MICAL2: variants seen among roughly 807,000 people sequenced by gnomAD.
MICAL2 encodes the protein microtubule associated monooxygenase, calponin and LIM domain containing 2.
Under a neutral mutation model 127.3 loss-of-function variants are expected in MICAL2, and 77 were observed. The ratio of observed to expected loss-of-function variants is 0.60; its 90% CI spans 0.50 to 0.73. MICAL2 has a LOEUF of 0.73. Among genes scored for constraint, MICAL2 ranks in the 30% least tolerant of loss-of-function variants. MICAL2 has a pLI of 0.00. For missense variants in MICAL2, 1,351 were observed against 1,434.4 expected, an observed-to-expected ratio of 0.94 and a Z score of 0.94; for synonymous variants, 570 against 551.1, an observed-to-expected ratio of 1.03 and a Z score of -0.48.
intron 16 of MICAL2, 102 bp downstream of exon 16, chr11:12,236,347 C>G (rs534519009): frequency 3.9e-6 from 4 of 1,028,950 alleles, no homozygotes; most frequent in Non-Finnish European, 6.1e-6. Context: ...TTCCTTCCCT[C>G]TCTCATGAAC....
intron 3 of MICAL2, among the ~76,000 whole-genome samples, chr11:12,170,470 T>G (rs1477223985): frequency 6.6e-6 from 1 of 152,030 alleles, no homozygotes; most frequent in East Asian, 1.9e-4. Context: ...AATAAAAAAG[T>G]TTGCTGTATC....
chr11:12,177,494 A>G (rs990420063), intron 3 of MICAL2, among the ~76,000 whole-genome samples: 3 of 152,056 alleles, frequency 2.0e-5, no homozygotes, highest in Non-Finnish European at 4.4e-5. Context: ...AAAAGTTTTA[A>G]ATTTTGATGA....
intron 27 of MICAL2, 34 bp downstream of exon 27, chr11:12,262,571 G>C: frequency 6.4e-7 from 1 of 1,573,540 alleles, no homozygotes; most frequent in Non-Finnish European, 8.7e-7. Flanking sequence ...TCAAAGAGTG[G>C]TACTAACCCC....
chr11:12,292,388 G>A (rs1863917051), downstream of MICAL2: 1 of 1,427,272 alleles, frequency 7.0e-7, no homozygotes, highest in Non-Finnish European at 9.7e-7. Context: ...GATTCCACGT[G>A]CTCATAGGTC....
At chr11:12,209,372 G>C in intron 5 of MICAL2, 125 bp from the exon 6 acceptor site, 1 of 770,330 alleles carries the variant, frequency 1.3e-6, no homozygotes, top group Non-Finnish European at 2.3e-6. Flanking sequence ...CTTTCCCCTG[G>C]AGGCTCTCTC....
chr11:12,161,331 C>G (rs992314806), intron 2 of MICAL2: 1 of 152,182 alleles, frequency 6.6e-6, no homozygotes, highest in Non-Finnish European at 1.5e-5. Context: ...TTCCATGAGC[C>G]GGAGCACTTG....
At chr11:12,306,249 GTAT>G (rs1335831187) in intron 29 of MICAL2, among the ~76,000 whole-genome samples, 2 of 151,736 alleles carry the variant, frequency 1.3e-5, no homozygotes, top group Non-Finnish European at 2.9e-5. Flanking sequence ...ATTTCTAACA[GTAT>G]TCATTAGGTA....
chr11:12,345,924 G>A (rs1589921481), intron 32 of MICAL2, among the ~76,000 whole-genome samples: 1 of 152,298 alleles, frequency 6.6e-6, no homozygotes, highest in South Asian at 2.1e-4. Context: ...AATGACAGAC[G>A]ATCTGGAGGC....
chr11:12,144,443 C>T (rs1852678403), intron 2 of MICAL2, among the ~76,000 whole-genome samples: 2 of 152,130 alleles, frequency 1.3e-5, no homozygotes, highest in South Asian at 4.1e-4. Context: ...GACATTTTGA[C>T]CCCCTGAATG....
chr11:12,231,821 ATCCC>A (rs1858314992), intron 15 of MICAL2, among the ~76,000 whole-genome samples: 1 of 152,180 alleles, frequency 6.6e-6, no homozygotes, highest in Admixed American at 6.5e-5. Flanking sequence ...GCCCTGGAGT[ATCCC>A]CTCCAGGTGC....
chr11:12,294,795 CAG>C, downstream of MICAL2: 1 of 1,599,670 alleles, frequency 6.3e-7, no homozygotes, highest in Non-Finnish European at 8.5e-7. Context: ...CTGCGCCAGG[CAG>C]CTCCTCCTCC....
At position 12,131,155 on chromosome 11, in the gene MICAL2, C is replaced by T. The variant is rs1343050051; in HGVS notation, c.-148-7235C>T. Among the ~76,000 whole-genome samples, 11 of 87,278 alleles carry T rather than the reference C, an allele frequency of 1.3e-4. 4 individuals carry two copies. Among genetic ancestry groups the T allele is most frequent in the East Asian group, 6.9e-4 (2 of 2,908 alleles). The allele number at this position is 87,278 out of a possible 152,430, so 57.3% of individuals were successfully genotyped here. A position where few individuals can be genotyped will look rare whatever the true frequency, so the allele number is the denominator to read the frequency against. ...AAAAATACAAAAAATTAGCCGGGCGCGGTGGCGGGCGCCTGTAGTCCCAGC... is the reference window on the plus strand; with the variant it reads ...AAAAATACAAAAAATTAGCCGGGCGTGGTGGCGGGCGCCTGTAGTCCCAGC... On this transcript the variant is annotated intron_variant, in intron 1 of 27. Transcript: ENST00000683283.
At chr11:12,155,973 G>A (rs1854146233) in intron 2 of MICAL2, among the ~76,000 whole-genome samples, 1 of 152,254 alleles carries the variant, frequency 6.6e-6, no homozygotes, top group South Asian at 2.1e-4. Flanking sequence ...GAGGAAGGGG[G>A]AATGTATGAG....
At position 12,260,473 on chromosome 11, in the gene MICAL2, T is replaced by A. The variant is rs556326008; in HGVS notation, c.3334+576T>A. ...CAGAGAAAGCATTTTTTTCTATGAG[T>A]GTCAATTTTTCTAAACATGGGTTTG... On this transcript the variant is annotated intron_variant, in intron 26 of 27. Transcript: ENST00000683283. The A allele has an allele frequency of 8.6e-4, 963 of 1,121,952 alleles. 8 individuals are homozygous for A. In the African/African-American group the frequency reaches 0.015, roughly 17 times the overall value. The allele number at this position is 1,121,952 out of a possible 1,614,324, so 69.5% of individuals were successfully genotyped here.
At position 12,126,705 on chromosome 11, in the gene MICAL2, T is replaced by TAAAA. The variant is rs5789711; in HGVS notation, c.-148-11672_-148-11669dup. 8.6e-3 allele frequency among the ~76,000 whole-genome samples: 1,242 copies of TAAAA among 144,286 alleles called. 13 individuals carry two copies. The highest frequency in any genetic ancestry group is 0.017 in the African/African-American group (676 of 39,318). The allele number at this position is 144,286 out of a possible 152,430, so 94.7% of individuals were successfully genotyped here. A position where few individuals can be genotyped will look rare whatever the true frequency, so the allele number is the denominator to read the frequency against. On this transcript the variant is annotated intron_variant, in intron 1 of 27. Coordinates refer to ENST00000683283, the MANE Select transcript of MICAL2 (RefSeq NM_001282663.2). ...CTTGGGAAAGCAAGGCTTATGTGTG[T>TAAAA]AAAAAAAAAAAAAAAATTAAGTAAC...
intron 26 of MICAL2, 160 bp from the exon 27 acceptor site, chr11:12,262,320 G>A: frequency 6.7e-7 from 1 of 1,482,398 alleles, no homozygotes; most frequent in Non-Finnish European, 8.9e-7. Context: ...TCTCTCCTAA[G>A]CAAACAGCGA....
chr11:12,261,935 T>C lies in MICAL2; in HGVS notation c.3335-545T>C, dbSNP rs549759614. On this transcript the variant is annotated intron_variant, in intron 26 of 27. Transcript: ENST00000683283. ...TTTGAGGTCATGATGTGAACGGCCA[T>C]GTTATTGTGATTATCTTCAGCTCAG... 27 of 987,688 alleles carry C rather than the reference T, an allele frequency of 2.7e-5. No individual in the cohort carries two copies. In the South Asian group the frequency reaches 9.8e-4, roughly 36 times the overall value. 61.2% of individuals were successfully genotyped at this position (987,688 alleles called of 1,614,324 possible).
At chr11:12,135,147 C>T (rs1851738645) in intron 1 of MICAL2, among the ~76,000 whole-genome samples, 1 of 152,132 alleles carries the variant, frequency 6.6e-6, no homozygotes, top group Non-Finnish European at 1.5e-5. Context: ...AGTCCTATAC[C>T]CTCCTTTTTG....
intron 33 of MICAL2, among the ~76,000 whole-genome samples, chr11:12,354,132 A>G (rs1052908382): frequency 6.6e-6 from 1 of 152,156 alleles, no homozygotes; most frequent in Non-Finnish European, 1.5e-5. Context: ...TATCTCAGCA[A>G]TCTTTCCATG....
Sources: allele counts gnomAD v4.1 joint callset (sites outside exome capture counted in the v4.1 genomes callset), GRCh38; gene constraint gnomAD v4.1.1; transcripts MANE v1.5; gene names NCBI Gene and HGNC (gene_info 2026-07-23, HGNC 2026-07-21).